Variants in CLIC5 observed in about 807,000 individuals in gnomAD.
CLIC5 encodes the protein chloride intracellular channel protein 5.
CLIC5 carries 20 observed loss-of-function variants against 24.7 expected under a neutral mutation model. The observed-to-expected ratio is 0.81, with a 90% CI of 0.57 to 1.18. CLIC5 has a LOEUF of 1.18. Ranked by LOEUF, CLIC5 falls within the 50% of genes most tolerant of loss-of-function variation. CLIC5 has a pLI of 0.00. For missense variants in CLIC5, 341 were observed against 326.1 expected, an observed-to-expected ratio of 1.05 and a Z score of -0.35; for synonymous variants, 159 against 135.6, an observed-to-expected ratio of 1.17 and a Z score of -1.20.
the CLIC5 span, among the ~76,000 whole-genome samples, chr6:46,124,533 G>A: frequency 2.6e-5 from 4 of 152,094 alleles, no homozygotes; most frequent in Non-Finnish European, 5.9e-5. Flanking sequence ...CTTCATGTCT[G>A]AAACACCAAA....
At chr6:46,056,515 C>T (rs941488862) in intron 1 of CLIC5, among the ~76,000 whole-genome samples, 1 of 152,138 alleles carries the variant, frequency 6.6e-6, no homozygotes, top group African/African-American at 2.4e-5. Context: ...TTGAGCAGCT[C>T]GTCCCAGCTC....
chr6:45,910,772 T>A (rs1156641005), intron 5 of CLIC5, among the ~76,000 whole-genome samples: 1 of 152,158 alleles, frequency 6.6e-6, no homozygotes, highest in Non-Finnish European at 1.5e-5. Flanking sequence ...GCAGATCACA[T>A]CTCTTCTTTG....
the CLIC5 span, among the ~76,000 whole-genome samples, chr6:46,107,525 T>C: frequency 6.6e-6 from 1 of 152,222 alleles, no homozygotes; most frequent in South Asian, 2.1e-4. Flanking sequence ...AAGATAACAT[T>C]GTGATTAATA....
At chr6:46,107,407 C>T in the CLIC5 span, among the ~76,000 whole-genome samples, 1 of 152,176 alleles carries the variant, frequency 6.6e-6, no homozygotes, top group African/African-American at 2.4e-5. Flanking sequence ...GTTGGATCCT[C>T]CAGGCATAGT....
chr6:46,112,530 G>GC, the CLIC5 span, among the ~76,000 whole-genome samples: 1 of 152,066 alleles, frequency 6.6e-6, no homozygotes, highest in Non-Finnish European at 1.5e-5. Context: ...TCTGTGGTTT[G>GC]CCCCCCACGT....
intron 1 of CLIC5, among the ~76,000 whole-genome samples, chr6:46,057,194 T>C (rs1768282957): frequency 6.6e-6 from 1 of 152,206 alleles, no homozygotes; most frequent in African/African-American, 2.4e-5. Context: ...CAACTTTAAT[T>C]GTATCCCCCA....
chr6:45,933,293 G>A (rs1275669573), intron 4 of CLIC5, among the ~76,000 whole-genome samples: 1 of 152,234 alleles, frequency 6.6e-6, no homozygotes, highest in Non-Finnish European at 1.5e-5. Flanking sequence ...CCACGTTTGA[G>A]CTTGGATTGG....
At chr6:45,892,942 G>A (rs1398666811) in intron 6 of CLIC5, among the ~76,000 whole-genome samples, 2 of 152,086 alleles carry the variant, frequency 1.3e-5, no homozygotes, top group Admixed American at 6.6e-5. Flanking sequence ...CTCCAAAAAA[G>A]CATTTTAAAA....
chr6:45,908,981 A>G (rs1485184306), intron 5 of CLIC5, among the ~76,000 whole-genome samples: 7 of 150,642 alleles, frequency 4.6e-5, no homozygotes, highest in African/African-American at 1.7e-4. Flanking sequence ...TATATTTAGA[A>G]TGGTTAAGTC....
chr6:45,912,946 T>C (rs1295155780), intron 5 of CLIC5, among the ~76,000 whole-genome samples: 4 of 152,218 alleles, frequency 2.6e-5, no homozygotes, highest in Non-Finnish European at 4.4e-5. Context: ...GAAACACCAG[T>C]GTACACACAA....
chr6:45,913,712 A>T, intron 5 of CLIC5: 1 of 1,027,058 alleles, frequency 9.7e-7, no homozygotes, highest in Non-Finnish European at 1.2e-6. Flanking sequence ...ATAGCAAGAA[A>T]GTGACATCAC....
intron 4 of CLIC5, chr6:45,934,092 A>T (rs1185870889): frequency 6.6e-6 from 1 of 152,288 alleles, no homozygotes; most frequent in Non-Finnish European, 1.5e-5. Context: ...TTTATCTTCT[A>T]GGAGGACCGA....
At chr6:46,048,942 G>T (rs138169177) in intron 1 of CLIC5, among the ~76,000 whole-genome samples, 1 of 152,170 alleles carries the variant, frequency 6.6e-6, no homozygotes, top group Non-Finnish European at 1.5e-5. Context: ...AATCTAATTT[G>T]AGAATTCAAA....
At chr6:46,035,747 AT>A (rs1427040815) in intron 1 of CLIC5, among the ~76,000 whole-genome samples, 1 of 146,952 alleles carries the variant, frequency 6.8e-6, no homozygotes, top group Non-Finnish European at 1.5e-5. Flanking sequence ...TTTTTCTTTT[AT>A]TTTCTTTTTT....
At chr6:45,954,272 CA>C (rs11311720) in intron 2 of CLIC5, among the ~76,000 whole-genome samples, 28,140 of 76,298 alleles carry the variant, frequency 0.37, 1,768 homozygotes, top group Middle Eastern at 0.45. Flanking sequence ...GACTCTGTCT[CA>C]AAAAAAAAAA....
rs1283521914 is a variant in CLIC5 at position 45,958,443 on chromosome 6, T to TACACACACACACACACACACACAC, written c.64-3200_64-3199insGTGTGTGTGTGTGTGTGTGTGTGT. On this transcript the variant is annotated intron_variant, in intron 1 of 5. Coordinates refer to ENST00000339561, the MANE Select transcript of CLIC5 (RefSeq NM_016929.5). ...ACAATTATATATATATATATATATA[T>TACACACACACACACACACACACAC]ATATATATATATATATATATATATA... 9.1e-3 allele frequency among the ~76,000 whole-genome samples: 507 copies of TACACACACACACACACACACACAC among 55,602 alleles called. 28 individuals carry two copies. Among genetic ancestry groups the TACACACACACACACACACACACAC allele is most frequent in the African/African-American group, 0.019 (317 of 16,952 alleles). 36.5% of individuals were successfully genotyped at this position (55,602 alleles called of 152,430 possible).
At position 45,899,540 on chromosome 6, in the gene CLIC5, C is replaced by T. The variant is rs1413739873; in HGVS notation, c.*3548G>A. On this transcript the variant is annotated 3_prime_UTR_variant, in exon 6 of 6. Coordinates refer to ENST00000339561, the MANE Select transcript of CLIC5 (RefSeq NM_016929.5). ...TCTTTACAAGATAGACCCGCAGCTT[C>T]CTGCCTCTGCCTCTCTCTTAGTTCT... 6.6e-6 allele frequency: 1 copy of T among 152,310 alleles called. No individual in the cohort carries two copies. Among genetic ancestry groups the T allele is most frequent in the African/African-American group, 2.4e-5 (1 of 41,450 alleles). The allele number at this position is 152,310 out of a possible 1,614,324, so 9.4% of individuals were successfully genotyped here. A position where few individuals can be genotyped will look rare whatever the true frequency, so the allele number is the denominator to read the frequency against.
At chr6:46,079,946 G>C in exon 1 of CLIC5, 1 of 1,551,596 alleles carries the variant, frequency 6.4e-7, no homozygotes, top group Non-Finnish European at 8.7e-7. Context: ...TGTCCTCCTG[G>C]GGCTCACCTG....
At chr6:46,026,149 T>C (rs966301740) in intron 1 of CLIC5, among the ~76,000 whole-genome samples, 1 of 152,186 alleles carries the variant, frequency 6.6e-6, no homozygotes, top group African/African-American at 2.4e-5. Flanking sequence ...TAAAATACTA[T>C]TGAGAAAATT....
Sources: allele counts gnomAD v4.1 joint callset (sites outside exome capture counted in the v4.1 genomes callset), GRCh38; gene constraint gnomAD v4.1.1; transcripts MANE v1.5; gene names NCBI Gene and HGNC (gene_info 2026-07-23, HGNC 2026-07-21).